PTPN21: variants seen among roughly 807,000 people sequenced by gnomAD.
PTPN21 encodes tyrosine-protein phosphatase non-receptor type 21.
Under a neutral mutation model 131.8 loss-of-function variants are expected in PTPN21, and 77 were observed. That is an observed-to-expected ratio of 0.58 (90% CI 0.49 to 0.71). The LOEUF (loss-of-function observed/expected upper bound fraction) is 0.71. Ranked by LOEUF, PTPN21 falls within the 30% of genes least tolerant of loss-of-function variation. The pLI is 0.00. For synonymous variants in PTPN21, 715 were observed against 621.3 expected (o/e 1.15, Z -2.24); for missense variants, 1,552 against 1,527.1 (o/e 1.02, Z -0.27).
intron 3 of PTPN21, among the ~76,000 whole-genome samples, chr14:88,510,841 T>A (rs570505058): frequency 6.6e-6 from 1 of 152,176 alleles, no homozygotes; most frequent in South Asian, 2.1e-4. Flanking sequence ...GTTATTGTAT[T>A]ATCCCTCAAA....
intron 3 of PTPN21, among the ~76,000 whole-genome samples, chr14:88,511,898 T>A (rs1481471364): frequency 6.6e-6 from 1 of 152,216 alleles, no homozygotes. Flanking sequence ...AATAATTATA[T>A]AATAAATTAG....
intron 1 of PTPN21, among the ~76,000 whole-genome samples, chr14:88,554,424 G>C (rs1469268087): frequency 6.6e-6 from 1 of 152,164 alleles, no homozygotes; most frequent in Non-Finnish European, 1.5e-5. Flanking sequence ...CAGGGCGTTC[G>C]GAATAGAAGT....
chr14:88,507,447 T>C (rs1016849593), intron 4 of PTPN21, among the ~76,000 whole-genome samples: 1 of 152,216 alleles, frequency 6.6e-6, no homozygotes, highest in Non-Finnish European at 1.5e-5. Context: ...ACCTAGGCTA[T>C]ATTGTATAAC....
intron 2 of PTPN21, among the ~76,000 whole-genome samples, chr14:88,539,769 T>C (rs760293575): frequency 2.6e-5 from 4 of 152,212 alleles, no homozygotes; most frequent in African/African-American, 7.2e-5. Context: ...CTGCATTCTA[T>C]TGAAGGGTAG....
At chr14:88,525,678 A>G (rs1055006388) in intron 2 of PTPN21, among the ~76,000 whole-genome samples, 1 of 152,234 alleles carries the variant, frequency 6.6e-6, no homozygotes, top group African/African-American at 2.4e-5. Context: ...TCACCATATG[A>G]TCCAGCAATT....
chr14:88,508,584 T>A (rs1013550497), intron 3 of PTPN21, among the ~76,000 whole-genome samples: 1 of 152,224 alleles, frequency 6.6e-6, no homozygotes, highest in Non-Finnish European at 1.5e-5. Context: ...CAATTAGTCA[T>A]CTGCTTCATG....
intron 8 of PTPN21, 131 bp downstream of exon 8, chr14:88,500,652 G>A: frequency 1.5e-6 from 1 of 650,152 alleles, no homozygotes; most frequent in Non-Finnish European, 2.7e-6. Context: ...TTTTTCCTAG[G>A]AAGGGAATTA....
rs34305703 is a variant in PTPN21, at chr14:88,508,150, GTTT to G, written c.351-133_351-131del. 4.1e-3 allele frequency: 1,637 copies of G among 396,458 alleles called. 1 individual carries two copies. Among genetic ancestry groups the G allele is most frequent in the South Asian group, 6.6e-3 (162 of 24,576 alleles). 24.6% of individuals were successfully genotyped at this position (396,458 alleles called of 1,614,324 possible). A position where few individuals can be genotyped will look rare whatever the true frequency, so the allele number is the denominator to read the frequency against. Reference sequence around the variant, plus strand: ...ACCTTAATCCCACATGGTTGTGTGTGTTTTTTTTTTTTTTTTTAGATAGGGTCT... The same window carrying G: ...ACCTTAATCCCACATGGTTGTGTGTGTTTTTTTTTTTTTTAGATAGGGTCT... On this transcript the variant is annotated intron_variant, in intron 3 of 18. Transcript: ENST00000556564.
intron 10 of PTPN21, 144 bp downstream of exon 10, chr14:88,496,269 T>C (rs1256021283): frequency 3.1e-5 from 21 of 668,150 alleles, no homozygotes; most frequent in Non-Finnish European, 5.0e-5. Flanking sequence ...TACAAGTTGG[T>C]CCAAAGCTAA....
chr14:88,487,863 C>T (rs995449249), intron 10 of PTPN21, among the ~76,000 whole-genome samples: 4 of 150,858 alleles, frequency 2.7e-5, no homozygotes, highest in South Asian at 2.1e-4. Flanking sequence ...CTACTCAGGA[C>T]GCTGAGGCAG....
At chr14:88,524,846 A>G (rs1446715531) in intron 2 of PTPN21, among the ~76,000 whole-genome samples, 1 of 151,864 alleles carries the variant, frequency 6.6e-6, no homozygotes, top group Non-Finnish European at 1.5e-5. Context: ...CCAAGGCTTC[A>G]GTAAGCTATA....
At chr14:88,478,843 C>G in intron 13 of PTPN21, 77 bp downstream of exon 13, 1 of 973,670 alleles carries the variant, frequency 1.0e-6, no homozygotes, top group African/African-American at 1.7e-5. Context: ...CTGAAAAACA[C>G]GGGACGTGAT....
In PTPN21 at chr14:88,472,344, C is replaced by G; in HGVS notation, c.2771G>C (p.Arg924Thr). The G allele has an allele frequency of 6.2e-7, 1 of 1,613,978 alleles. No homozygotes were observed. Among genetic ancestry groups the G allele is most frequent in the Non-Finnish European group, 8.5e-7 (1 of 1,179,866 alleles). The change falls in exon 15 of 19, where the codon AGA becomes ACA. Residue 924 changes from arginine to threonine, a missense_variant. Around this residue, in one of 4 missense-constraint regions of PTPN21, gnomAD observed 316 missense variants for 378.5 expected, o/e 0.83. Transcript: ENST00000556564. ...AGGAAGAACATCTTGGAATCGATTT[C>G]TTTCTGCATTTTCAGGGAGTCGTGC... ...STARLPENAE[R>T]NRFQDVLPYD... is the part of the protein sequence containing the mutation.
chr14:88,554,406 C>A (rs908119583), intron 1 of PTPN21, among the ~76,000 whole-genome samples: 4 of 152,174 alleles, frequency 2.6e-5, no homozygotes, highest in African/African-American at 9.7e-5. Context: ...TAACCCGCAA[C>A]AATCGGCCAG....
chr14:88,546,062 T>G (rs1470153959), intron 2 of PTPN21, among the ~76,000 whole-genome samples: 1 of 151,862 alleles, frequency 6.6e-6, no homozygotes, highest in Non-Finnish European at 1.5e-5. Flanking sequence ...AAAAGAAAGT[T>G]AGCAACCTAA....
At chr14:88,490,072 G>C (rs541358580) in intron 10 of PTPN21, among the ~76,000 whole-genome samples, 3 of 151,564 alleles carry the variant, frequency 2.0e-5, no homozygotes, top group South Asian at 2.1e-4. Context: ...GCAGTGGTGC[G>C]ATCCTGGCTC....
intron 3 of PTPN21, among the ~76,000 whole-genome samples, chr14:88,509,840 G>A (rs763903840): frequency 1.6e-4 from 25 of 152,100 alleles, no homozygotes; most frequent in Non-Finnish European, 2.8e-4. Flanking sequence ...GTTGGAGACC[G>A]GACTGGCCAA....
intron 10 of PTPN21, among the ~76,000 whole-genome samples, chr14:88,494,135 T>C (rs2077867509): frequency 3.9e-5 from 6 of 152,134 alleles, no homozygotes; most frequent in South Asian, 4.2e-4. Context: ...GGGGGTACCA[T>C]AGGACAATCA....
At chr14:88,529,564 C>T (rs983825937) in intron 2 of PTPN21, among the ~76,000 whole-genome samples, 1 of 152,098 alleles carries the variant, frequency 6.6e-6, no homozygotes, top group African/African-American at 2.4e-5. Context: ...AAAAACTTCC[C>T]TGGTCTTGCT....
Sources: gnomAD v4.1 joint callset for allele counts (sites outside exome capture counted in the v4.1 genomes callset) on GRCh38, gnomAD v4.1.1 for gene constraint, gnomAD v4.1.1 regional missense constraint, MANE v1.5 for transcripts, NCBI Gene and HGNC (gene_info 2026-07-23, HGNC 2026-07-21) for gene names.